PRR35: variants seen among roughly 807,000 people sequenced by gnomAD.
PRR35 encodes proline rich 35.
Under a neutral mutation model 18.6 loss-of-function variants are expected in PRR35, and 14 were observed. The observed-to-expected ratio is 0.75, with a 90% CI of 0.50 to 1.18. The LOEUF is 1.18. PRR35 is among the 50% of genes most tolerant of loss of function. The pLI is 0.00. For missense variants in PRR35, 832 were observed against 792.2 expected, an observed-to-expected ratio of 1.05 and a Z score of -0.60; for synonymous variants, 425 against 378.2, an observed-to-expected ratio of 1.12 and a Z score of -1.43.
intron 1 of PRR35, among the ~76,000 whole-genome samples, chr16:562,503 A>G (rs1038574425): frequency 3.6e-5 from 5 of 138,112 alleles, no homozygotes; most frequent in African/African-American, 5.7e-5. Flanking sequence ...GCATGCACAG[A>G]GGCACATGCA....
intron 2 of PRR35, 105 bp from the exon 3 acceptor site, chr16:564,569 A>G: frequency 1.4e-6 from 2 of 1,407,042 alleles, no homozygotes; most frequent in Non-Finnish European, 9.4e-7. Context: ...AGGAGAGCCT[A>G]GGCTCTAGGC....
rs749077060 is a variant in PRR35 at position 565,260 on chromosome 16, C to T, written c.1669C>T (p.Pro557Ser). The change falls in exon 3 of 3, where the codon CCT becomes TCT. Residue 557 changes from proline (P) to serine (S), a missense_variant. Physicochemically the swap from Pro to Ser is moderately conservative, Grantham distance 74. Transcript: ENST00000409413. ...TGTTGCGACGAGGAGTTCCCAGACC[C>T]CTGAGGCTGTCTGTGGCCTGCAGAG... is the stretch of plus-strand genomic sequence containing the variant. ...TCVATRSSQT[P>S]EAVCGLQSPQ... The T allele has an allele frequency of 6.3e-7, 1 of 1,578,834 alleles. No individual in the cohort carries two copies. Among genetic ancestry groups the T allele is most frequent in the East Asian group, 2.3e-5 (1 of 43,994 alleles).
In PRR35 at chr16:560,477, A is replaced by G. The variant is rs1234328719; in HGVS notation, c.-224A>G. 4.1e-6 allele frequency: 4 copies of G among 980,964 alleles called. No homozygotes were observed. In the East Asian group the frequency reaches 4.6e-4, roughly 114 times the overall value. 60.8% of individuals were successfully genotyped at this position (980,964 alleles called of 1,614,324 possible). On this transcript the variant is annotated 5_prime_UTR_variant, in exon 1 of 3. Coordinates refer to ENST00000409413, the MANE Select transcript of PRR35 (RefSeq NM_145270.3). ...GTCGCTGCCGCTCGAGGGACCGCGG[A>G]CCCGGGAGGTCCGGCTCCCGGCGCC...
At chr16:562,445 T>C (rs554112891) in intron 1 of PRR35, among the ~76,000 whole-genome samples, 18 of 152,260 alleles carry the variant, frequency 1.2e-4, no homozygotes, top group African/African-American at 4.3e-4. Context: ...CACACATGCA[T>C]GCATGCACAC....
At position 560,664 on chromosome 16, in the gene PRR35, A is replaced by G; in HGVS notation, c.-40+3A>G. 2 of 982,258 alleles carry G rather than the reference A, an allele frequency of 2.0e-6. No homozygotes were observed. The highest frequency in any genetic ancestry group is 2.4e-6 in the Non-Finnish European group (2 of 828,666). The allele number at this position is 982,258 out of a possible 1,614,324, so 60.8% of individuals were successfully genotyped here. ...GCTCCGCTCCCGGCCGGGCGCAGGT[A>G]GGAGCGGCGGGAGCCGCGGGGGCGG... is the stretch of plus-strand genomic sequence containing the variant. On this transcript the variant is annotated splice_donor_region_variant and intron_variant, in intron 1 of 2. Coordinates refer to ENST00000409413, the MANE Select transcript of PRR35 (RefSeq NM_145270.3).
intron 1 of PRR35, among the ~76,000 whole-genome samples, chr16:560,937 G>C (rs1425038145): frequency 3.3e-5 from 5 of 151,846 alleles, no homozygotes; most frequent in South Asian, 4.2e-4. Flanking sequence ...GCGTTCCCGG[G>C]GGGGGGGGCA....
Position 563,536 on chromosome 16 carries a change from C to T in PRR35, c.242C>T (p.Thr81Ile), listed in dbSNP as rs559858174. ...SPDWACRRGS[T>I]TPRPHAPTPD... ...GACTGGGCGTGCCGCCGTGGCTCCA[C>T]CACGCCTAGGCCCCACGCACCCACC... is the stretch of plus-strand genomic sequence containing the variant. Residue 81 changes from threonine (T) to isoleucine (I), a missense_variant, in exon 2 of 3, where the codon ACC becomes ATC. Coordinates refer to ENST00000409413, the MANE Select transcript of PRR35 (RefSeq NM_145270.3). 3 of 1,611,404 alleles carry T rather than the reference C, an allele frequency of 1.9e-6. No individual in the cohort carries two copies. The South Asian group carries it at 3.3e-5, about 18-fold the overall frequency.
rs758388749 is a variant in PRR35, at chr16:562,347, A to AC, written c.-39-904dup. 5.1e-4 allele frequency among the ~76,000 whole-genome samples: 77 copies of AC among 152,128 alleles called. 1 individual carries two copies. The highest frequency in any genetic ancestry group is 6.2e-4 in the South Asian group (3 of 4,824). On this transcript the variant is annotated intron_variant, in intron 1 of 2. Transcript: ENST00000409413. ...CCTGGCCTGGCCCCACATGAGACTG[A>AC]CCCCCTAAGAGACCCCCAGTGCCCA...
intron 1 of PRR35, among the ~76,000 whole-genome samples, 178 bp from the exon 2 acceptor site, chr16:563,078 G>A (rs571801277): frequency 5.7e-4 from 83 of 146,622 alleles, no homozygotes; most frequent in African/African-American, 1.9e-3. Context: ...CTGCCACCCT[G>A]GAAGTGCACG....
At chr16:562,532 T>TGTGCACACACACGC (rs2035454178) in intron 1 of PRR35, among the ~76,000 whole-genome samples, 1 of 121,748 alleles carries the variant, frequency 8.2e-6, no homozygotes, top group Non-Finnish European at 1.6e-5. Context: ...CGCACACACG[T>TGTGCACACACACGC]GTGCACACAC....
intron 1 of PRR35, among the ~76,000 whole-genome samples, chr16:563,007 G>C (rs898321150): frequency 4.0e-5 from 6 of 151,626 alleles, no homozygotes; most frequent in African/African-American, 1.2e-4. Flanking sequence ...GCTGCTGATC[G>C]GCGTCAGATG....
chr16:563,129 A>T, intron 1 of PRR35, 127 bp from the exon 2 acceptor site: 1 of 919,942 alleles, frequency 1.1e-6, no homozygotes, highest in Non-Finnish European at 1.5e-6. Flanking sequence ...GGCACGTTGC[A>T]GGGCAGAGGC....
At position 563,353 on chromosome 16, in the gene PRR35, A is replaced by C; in HGVS notation, c.59A>C (p.Lys20Thr). 1.2e-6 allele frequency: 2 copies of C among 1,612,150 alleles called. No individual in the cohort carries two copies. The highest frequency in any genetic ancestry group is 1.7e-6 in the Non-Finnish European group (2 of 1,179,622). ...ACAGGGGCGAGGGCGCGGTCTCGGA[A>C]GCCCAAGAAGCCACACTACATCCCG... Reference protein sequence around the residue: ...VGTGARARSRKPKKPHYIPRP... With the variant: ...VGTGARARSRTPKKPHYIPRP... The change falls in exon 2 of 3, where the codon AAG (lysine) becomes ACG (threonine). Residue 20 changes from lysine (K) to threonine (T), a missense_variant. This residue lies in a region of PRR35 where 56 missense variants were observed against 64.8 expected (regional missense o/e 0.86). Coordinates refer to ENST00000409413, the MANE Select transcript of PRR35 (RefSeq NM_145270.3).
Position 565,254 on chromosome 16 carries a change from C to T in PRR35, c.1663C>T (p.Gln555Ter). ...WGTCVATRSSQTPEAVCGLQS... is the reference protein window; with the variant it reads ...WGTCVATRSS The stretch of plus-strand genomic sequence containing the variant: ...CACCTGTGTTGCGACGAGGAGTTCC[C>T]AGACCCCTGAGGCTGTCTGTGGCCT... Residue 555 changes from glutamine (Q) to a stop codon, truncating the protein, a stop_gained, in exon 3 of 3, where the codon CAG becomes TAG. Coordinates refer to ENST00000409413, the MANE Select transcript of PRR35 (RefSeq NM_145270.3). LOFTEE classifies it low-confidence loss of function (END_TRUNC). 6.3e-7 allele frequency: 1 copy of T among 1,591,738 alleles called. No individual in the cohort carries two copies.
chr16:561,764 C>G (rs2035439040), intron 1 of PRR35: 1 of 985,478 alleles, frequency 1.0e-6, no homozygotes, highest in Non-Finnish European at 1.2e-6. Context: ...ACCCACTGGC[C>G]ATGCATGACC....
chr16:560,845 CGGGGA>C (rs2035421481), intron 1 of PRR35, 184 bp downstream of exon 1: 1 of 77,502 alleles, frequency 1.3e-5, no homozygotes, highest in Non-Finnish European at 2.5e-5. Context: ...AGGGGCCAGG[CGGGGA>C]GGGCAGGGGC....
chr16:564,550 G>A (rs886080720), intron 2 of PRR35, 124 bp from the exon 3 acceptor site: 36 of 1,398,238 alleles, frequency 2.6e-5, no homozygotes, highest in African/African-American at 1.0e-4. Flanking sequence ...GGGGGTCCTC[G>A]GGGTCTCCAG....
At chr16:561,862 G>T in intron 1 of PRR35, 1 of 837,732 alleles carries the variant, frequency 1.2e-6, no homozygotes, top group Non-Finnish European at 1.4e-6. Flanking sequence ...GTGTTGGAGT[G>T]GTTTGGAAAG....
intron 1 of PRR35, among the ~76,000 whole-genome samples, chr16:562,352 CT>C (rs897340618): frequency 6.6e-6 from 1 of 152,218 alleles, no homozygotes; most frequent in African/African-American, 2.4e-5. Context: ...GACTGACCCC[CT>C]AAGAGACCCC....
Sources: gnomAD v4.1 joint callset for allele counts (sites outside exome capture counted in the v4.1 genomes callset) on GRCh38, gnomAD v4.1.1 for gene constraint, gnomAD v4.1.1 regional missense constraint, MANE v1.5 for transcripts, NCBI Gene and HGNC (gene_info 2026-07-23, HGNC 2026-07-21) for gene names.